CEP192: variants seen among roughly 807,000 people sequenced by gnomAD.
CEP192 encodes the protein centrosomal protein of 192 kDa.
CEP192 carries 151 observed loss-of-function variants against 271.8 expected under a neutral mutation model. The ratio of observed to expected loss-of-function variants is 0.56; its 90% CI spans 0.49 to 0.64. The LOEUF is 0.64. Among genes scored for constraint, CEP192 ranks in the 30% least tolerant of loss-of-function variants. The pLI, the probability that CEP192 is intolerant of heterozygous loss-of-function variation, is 0.00. For synonymous variants in CEP192, 995 were observed against 1,076.5 expected (o/e 0.92, Z 1.48); for missense variants, 2,910 against 3,020.5 (o/e 0.96, Z 0.86).
chr18:13,068,976 T>C lies in CEP192; in HGVS notation c.4947T>C (p.Ala1649=). ...RARAGIARIH[A]PRDLQTMHFL... ...GAGCAGGAATAGCTAGGATCCATGC[T>C]CCCAGGGACTTGCAGGTAGCCTCAG... The change falls in exon 25 of 45, where the codon GCT becomes GCC. Residue 1649 remains alanine, a synonymous_variant. Transcript: ENST00000506447. The C allele has an allele frequency of 6.2e-7, 1 of 1,614,188 alleles. No homozygotes were observed. Among genetic ancestry groups the C allele is most frequent in the Non-Finnish European group, 8.5e-7 (1 of 1,180,028 alleles).
chr18:13,099,463 A>AT lies in CEP192; in HGVS notation c.6558-5dup, dbSNP rs754994470. On this transcript the variant is annotated splice_polypyrimidine_tract_variant and intron_variant, in intron 36 of 44. Coordinates refer to ENST00000506447, the MANE Select transcript of CEP192 (RefSeq NM_032142.4). Reference sequence around the variant, plus strand: ...CAGGCTCTTTTTAATTTTCTTATTAATTTTTTTTAAAGGAGTAAACTACAA... The same window carrying AT: ...CAGGCTCTTTTTAATTTTCTTATTAATTTTTTTTTAAAGGAGTAAACTACAA... 65 of 1,345,480 alleles carry AT rather than the reference A, an allele frequency of 4.8e-5. No homozygotes were observed. The highest frequency in any genetic ancestry group is 5.9e-5 in the Non-Finnish European group (57 of 961,346). 83.3% of individuals were successfully genotyped at this position (1,345,480 alleles called of 1,614,324 possible). A position where few individuals can be genotyped will look rare whatever the true frequency, so the allele number is the denominator to read the frequency against.
At chr18:13,011,513 T>C (rs1180346647) in intron 4 of CEP192, among the ~76,000 whole-genome samples, 1 of 72,512 alleles carries the variant, frequency 1.4e-5, no homozygotes, top group Admixed American at 1.2e-4. Flanking sequence ...ACACAGAAAC[T>C]TTGTTTTGTT....
intron 30 of CEP192, among the ~76,000 whole-genome samples, chr18:13,074,511 GGTT>G (rs2038172631): frequency 6.6e-6 from 1 of 152,142 alleles, no homozygotes; most frequent in Non-Finnish European, 1.5e-5. Context: ...ATGATTTTGA[GGTT>G]GTTCTCAAGG....
At position 13,096,357 on chromosome 18, in the gene CEP192, G is replaced by A. The variant is rs1391142190; in HGVS notation, c.6557+50G>A. On this transcript the variant is annotated intron_variant, in intron 36 of 44. Transcript: ENST00000506447. ...TGCGTGTTACTTAGGTGCTGGCTTGGTGACTTTCTAAAGATCAAATAATAT... is the reference window on the plus strand; with the variant it reads ...TGCGTGTTACTTAGGTGCTGGCTTGATGACTTTCTAAAGATCAAATAATAT... 5 of 1,586,894 alleles carry A rather than the reference G, an allele frequency of 3.2e-6. No homozygotes were observed. In the Admixed American group the frequency reaches 8.9e-5, roughly 28 times the overall value.
At chr18:13,072,531 C>T (rs1262012102) in intron 28 of CEP192, among the ~76,000 whole-genome samples, 1 of 152,148 alleles carries the variant, frequency 6.6e-6, no homozygotes, top group African/African-American at 2.4e-5. Flanking sequence ...AGAGCTATAA[C>T]TGGAGAGAGA....
At chr18:13,003,238 C>T (rs1011211095) in intron 3 of CEP192, among the ~76,000 whole-genome samples, 2 of 152,014 alleles carry the variant, frequency 1.3e-5, no homozygotes, top group Non-Finnish European at 1.5e-5. Context: ...CGCCTGAGGT[C>T]AGGAGTTCGA....
chr18:13,092,047 T>G (rs1436003042), intron 33 of CEP192, among the ~76,000 whole-genome samples: 1 of 152,244 alleles, frequency 6.6e-6, no homozygotes, highest in Non-Finnish European at 1.5e-5. Context: ...AAAGGCATTC[T>G]TATTTTAATG....
chr18:13,089,621 A>G (rs1019146751), intron 33 of CEP192, 56 bp downstream of exon 33: 3 of 837,416 alleles, frequency 3.6e-6, no homozygotes, highest in Middle Eastern at 2.3e-4. Context: ...TTATAGTATT[A>G]TCTATGTCCA....
intron 15 of CEP192, among the ~76,000 whole-genome samples, chr18:13,043,291 T>C (rs950587366): frequency 1.2e-4 from 18 of 152,376 alleles, no homozygotes; most frequent in African/African-American, 3.8e-4. Flanking sequence ...TTGTCAGTTA[T>C]GAGTGTTCCA....
intron 36 of CEP192, among the ~76,000 whole-genome samples, chr18:13,096,704 G>A (rs538595899): frequency 1.3e-5 from 2 of 152,188 alleles, no homozygotes; most frequent in Non-Finnish European, 2.9e-5. Context: ...TCTTACCTTG[G>A]TTTGGGTTGT....
intron 21 of CEP192, among the ~76,000 whole-genome samples, chr18:13,064,503 T>G (rs1315044579): frequency 1.3e-5 from 2 of 151,624 alleles, no homozygotes; most frequent in Non-Finnish European, 2.9e-5. Flanking sequence ...TCCCAGCTAC[T>G]TGGGAGGCTG....
chr18:13,029,704 T>C lies in CEP192; in HGVS notation c.1092T>C (p.Ala364=), dbSNP rs1350866694. 7 of 1,550,562 alleles carry C rather than the reference T, an allele frequency of 4.5e-6. No homozygotes were observed. Among genetic ancestry groups the C allele is most frequent in the Admixed American group, 3.9e-5 (2 of 50,908 alleles). The change falls in exon 10 of 45, where the codon GCT becomes GCC. Residue 364 remains alanine, a synonymous_variant. Coordinates refer to ENST00000506447, the MANE Select transcript of CEP192 (RefSeq NM_032142.4). The part of the protein sequence containing the change: ...SKDVLVKTLR[A]IDVKLNSDNF... Reference sequence around the variant, plus strand: ...ATGTTCTGGTGAAGACCCTCAGGGCTATTGATGTGAAACTTAACTCTGATA... The same window carrying C: ...ATGTTCTGGTGAAGACCCTCAGGGCCATTGATGTGAAACTTAACTCTGATA...
At chr18:13,001,745 C>A (rs1176671429) in intron 3 of CEP192, among the ~76,000 whole-genome samples, 163 bp downstream of exon 3, 1 of 152,182 alleles carries the variant, frequency 6.6e-6, no homozygotes, top group Non-Finnish European at 1.5e-5. Flanking sequence ...ACTCCATTGC[C>A]CAGGCTATAG....
At chr18:13,072,434 G>T (rs2038060462) in intron 28 of CEP192, among the ~76,000 whole-genome samples, 1 of 152,130 alleles carries the variant, frequency 6.6e-6, no homozygotes, top group Non-Finnish European at 1.5e-5. Flanking sequence ...ATGACTCGAT[G>T]AATTTCTTCA....
In CEP192 at chr18:13,100,396, T is replaced by C; in HGVS notation, c.6755T>C (p.Val2252Ala). ...AAACCATTTGGAATTCTTTCCCCAG[T>C]ATCTGAGCCTTCAGTTAGTCATTTG... The part of the protein sequence containing the change: ...TSKPFGILSP[V>A]SEPSVSHLVK... The change falls in exon 38 of 45, where the codon GTA becomes GCA. Residue 2252 changes from valine (V) to alanine (A), a missense_variant. Coordinates refer to ENST00000506447, the MANE Select transcript of CEP192 (RefSeq NM_032142.4). The C allele has an allele frequency of 6.2e-7, 1 of 1,614,002 alleles. No individual in the cohort carries two copies. Among genetic ancestry groups the C allele is most frequent in the Non-Finnish European group, 8.5e-7 (1 of 1,179,856 alleles).
At chr18:13,009,652 G>A (rs2034211062) in intron 4 of CEP192, among the ~76,000 whole-genome samples, 1 of 151,990 alleles carries the variant, frequency 6.6e-6, no homozygotes, top group Admixed American at 6.6e-5. Flanking sequence ...GGCCAACATG[G>A]CGAAACCCTG....
Position 13,124,877 on chromosome 18 carries a change from T to G in CEP192, c.*107T>G, listed in dbSNP as rs897785272. 1.1e-6 allele frequency: 1 copy of G among 912,622 alleles called. No individual in the cohort carries two copies. The highest frequency in any genetic ancestry group is 1.7e-5 in the African/African-American group (1 of 59,904). The allele number at this position is 912,622 out of a possible 1,614,324, so 56.5% of individuals were successfully genotyped here. A position where few individuals can be genotyped will look rare whatever the true frequency, so the allele number is the denominator to read the frequency against. ...GTATATATATTTTGTATGATGGATA[T>G]CTATAATTGTAGATTTTGTTTTTAC... is the stretch of plus-strand genomic sequence containing the variant. On this transcript the variant is annotated 3_prime_UTR_variant, in exon 45 of 45. Transcript: ENST00000506447.
At chr18:13,018,640 T>C (rs1187111297) in intron 8 of CEP192, 25 bp downstream of exon 8, 1 of 1,425,268 alleles carries the variant, frequency 7.0e-7, no homozygotes, top group Admixed American at 2.8e-5. Context: ...ATGATTCTTT[T>C]GTTCTTAAGT....
chr18:13,004,813 G>A (rs2033878105), intron 3 of CEP192, among the ~76,000 whole-genome samples: 1 of 152,194 alleles, frequency 6.6e-6, no homozygotes, highest in South Asian at 2.1e-4. Flanking sequence ...TGAGCTGTAG[G>A]AGTGCAGGTG....
Sources: gnomAD v4.1 joint callset for allele counts (sites outside exome capture counted in the v4.1 genomes callset) on GRCh38, gnomAD v4.1.1 for gene constraint, MANE v1.5 for transcripts, NCBI Gene and HGNC (gene_info 2026-07-23, HGNC 2026-07-21) for gene names.